The following GSPT1 variants were observed in gnomAD, a reference collection of about 807,000 sequenced individuals.
The protein encoded by GSPT1 is G1 to S phase transition 1.
GSPT1 carries 20 observed loss-of-function variants against 72.5 expected under a neutral mutation model. The ratio of observed to expected loss-of-function variants is 0.28; its 90% CI spans 0.19 to 0.40. The LOEUF is 0.40. Ranked by LOEUF, GSPT1 falls within the 10% of genes least tolerant of loss-of-function variation. GSPT1 has a pLI of 1.00. For missense variants in GSPT1, 580 were observed against 811.9 expected (o/e 0.71, Z 3.47); for synonymous variants, 334 against 293.5 (o/e 1.14, Z -1.41).
intron 1 of GSPT1, among the ~76,000 whole-genome samples, chr16:11,913,869 A>G (rs1461734565): frequency 6.6e-6 from 1 of 152,212 alleles, no homozygotes; most frequent in African/African-American, 2.4e-5. Flanking sequence ...GAAAACATCA[A>G]CCACCCACAC....
rs147636648 is a variant in GSPT1, at chr16:11,907,424, G to C, written c.352+7945C>G. Among the ~76,000 whole-genome samples the C allele has an allele frequency of 1.8e-3, 270 of 152,300 alleles. 1 individual carries two copies. The highest frequency in any genetic ancestry group is 6.0e-3 in the African/African-American group (249 of 41,560). On this transcript the variant is annotated intron_variant, in intron 1 of 14. Transcript: ENST00000434724. Reference sequence around the variant, plus strand: ...GGGTCAACAGTACCTAACCTCAAGAGAATGTTGTGAAGACTAAATAACTGA... The same window carrying C: ...GGGTCAACAGTACCTAACCTCAAGACAATGTTGTGAAGACTAAATAACTGA...
chr16:11,915,095 G>A, intron 1 of GSPT1: 2 of 1,290,688 alleles, frequency 1.5e-6, no homozygotes, highest in Non-Finnish European at 2.0e-6. Context: ...GGGTAACTGC[G>A]GACTCCAGAG....
chr16:11,884,149 C>T (rs1156444033), intron 10 of GSPT1, among the ~76,000 whole-genome samples: 1 of 152,060 alleles, frequency 6.6e-6, no homozygotes, highest in Non-Finnish European at 1.5e-5. Context: ...GTTGGAAATC[C>T]AGTTAAAAAC....
Position 11,915,452 on chromosome 16 carries a change from A to T in GSPT1, c.269T>A (p.Leu90Gln), listed in dbSNP as rs1322365964. 3 of 1,542,338 alleles carry T rather than the reference A, an allele frequency of 1.9e-6. No individual in the cohort carries two copies. The highest frequency in any genetic ancestry group is 2.6e-6 in the Non-Finnish European group (3 of 1,146,972). The change falls in exon 1 of 15, where the codon CTG (leucine) becomes CAG (glutamine). Residue 90 changes from leucine to glutamine, a missense_variant. This residue lies in a region of GSPT1 where 327 missense variants were observed against 298.8 expected (regional missense o/e 1.09). Transcript: ENST00000434724. ...VHAAEFVPSF[L>Q]RGPAAPPPPV... is the part of the protein sequence containing the mutation. ...GGGTGGCGGCGCTGCCGGGCCCCGC[A>T]GGAAGGACGGCACGAACTCGGCGGC...
chr16:11,911,684 C>T (rs371113649), intron 1 of GSPT1, among the ~76,000 whole-genome samples: 1 of 151,416 alleles, frequency 6.6e-6, no homozygotes, highest in South Asian at 2.1e-4. Context: ...TCCCCAGTAG[C>T]TGGGACTACG....
chr16:11,894,085 G>A (rs942366059), intron 5 of GSPT1, among the ~76,000 whole-genome samples: 1 of 140,606 alleles, frequency 7.1e-6, no homozygotes, highest in Non-Finnish European at 1.5e-5. Flanking sequence ...GAGTCCAGGA[G>A]GTCGAGGCTG....
At chr16:11,888,634 C>T (rs1410535088) in intron 6 of GSPT1, among the ~76,000 whole-genome samples, 5 of 151,776 alleles carry the variant, frequency 3.3e-5, no homozygotes, top group African/African-American at 9.7e-5. Context: ...TGGTGGCGGG[C>T]GCCTGTAGTC....
intron 1 of GSPT1, among the ~76,000 whole-genome samples, chr16:11,904,312 C>T (rs1006473157): frequency 6.6e-6 from 1 of 152,130 alleles, no homozygotes; most frequent in African/African-American, 2.4e-5. Flanking sequence ...AAGCGATTCC[C>T]CTGCCTCAGC....
chr16:11,903,164 T>G (rs2054437918), intron 1 of GSPT1, among the ~76,000 whole-genome samples: 1 of 152,212 alleles, frequency 6.6e-6, no homozygotes, highest in African/African-American at 2.4e-5. Context: ...GTCAATGGAA[T>G]CATAGAATAT....
chr16:11,887,893 G>T, intron 6 of GSPT1, 143 bp from the exon 7 acceptor site: 1 of 662,540 alleles, frequency 1.5e-6, no homozygotes, highest in Admixed American at 3.0e-5. Flanking sequence ...AGCCGGGTGC[G>T]GTGGCTCACA....
intron 10 of GSPT1, 97 bp from the exon 11 acceptor site, chr16:11,883,192 G>A (rs763972091): frequency 5.5e-6 from 4 of 727,950 alleles, no homozygotes; most frequent in African/African-American, 1.8e-5. Flanking sequence ...TATTCATAAA[G>A]GAAAATCATT....
intron 14 of GSPT1, among the ~76,000 whole-genome samples, chr16:11,875,554 G>C (rs1596454591): frequency 6.6e-6 from 1 of 152,042 alleles, no homozygotes; most frequent in Non-Finnish European, 1.5e-5. Context: ...GATTCTTCAC[G>C]TAGAGCATTA....
intron 8 of GSPT1, 45 bp downstream of exon 8, chr16:11,886,732 C>G (rs1362458673): frequency 1.9e-6 from 3 of 1,582,570 alleles, no homozygotes; most frequent in Non-Finnish European, 2.6e-6. Context: ...ATAACAAAAC[C>G]ATCCTTAATC....
At chr16:11,888,184 G>C (rs911120985) in intron 6 of GSPT1, among the ~76,000 whole-genome samples, 4 of 151,500 alleles carry the variant, frequency 2.6e-5, no homozygotes, top group African/African-American at 9.7e-5. Context: ...GAAAGAATAG[G>C]GCTGGGCGCA....
At chr16:11,874,169 A>G (rs978003983) in intron 14 of GSPT1, among the ~76,000 whole-genome samples, 2 of 152,208 alleles carry the variant, frequency 1.3e-5, no homozygotes, top group African/African-American at 4.8e-5. Context: ...TAGGTGTTCT[A>G]AATGTTCTAA....
chr16:11,890,336 G>T (rs2054243229), intron 6 of GSPT1, among the ~76,000 whole-genome samples: 1 of 152,092 alleles, frequency 6.6e-6, no homozygotes, highest in South Asian at 2.1e-4. Flanking sequence ...GCACCATGTG[G>T]GAGCAATGGT....
At chr16:11,894,767 G>A (rs927412007) in intron 5 of GSPT1, among the ~76,000 whole-genome samples, 187 bp downstream of exon 5, 3 of 152,094 alleles carry the variant, frequency 2.0e-5, no homozygotes, top group East Asian at 1.9e-4. Flanking sequence ...TGGGATTATA[G>A]GTGTGTTCCA....
In GSPT1 at chr16:11,898,796, C is replaced by T. The variant is rs1056896904; in HGVS notation, c.353-761G>A. Among the ~76,000 whole-genome samples the T allele has an allele frequency of 2.6e-5, 4 of 152,016 alleles. No individual in the cohort carries two copies. In the South Asian group the frequency reaches 8.3e-4, roughly 31 times the overall value. Reference sequence around the variant, plus strand: ...TTCCATACTCATGTTATCAAAATCCCTGAATAAATTAGATACCTATAAGAT... The same window carrying T: ...TTCCATACTCATGTTATCAAAATCCTTGAATAAATTAGATACCTATAAGAT... On this transcript the variant is annotated intron_variant, in intron 1 of 14. Transcript: ENST00000434724.
rs529798288 is a variant in GSPT1, at chr16:11,880,338, A to G, written c.1428+2677T>C. 2.0e-5 allele frequency: 3 copies of G among 152,312 alleles called. No individual in the cohort carries two copies. In the South Asian group the frequency reaches 6.2e-4, roughly 32 times the overall value. The allele number at this position is 152,312 out of a possible 1,614,324, so 9.4% of individuals were successfully genotyped here. On this transcript the variant is annotated intron_variant, in intron 11 of 14. Coordinates refer to ENST00000434724, the MANE Select transcript of GSPT1 (RefSeq NM_002094.4). The stretch of plus-strand genomic sequence containing the variant: ...GAGACTCTTTTGGGTATATACTCAG[A>G]AAGAGTATTGCTGGATTATGTGGGA...
Sources: allele counts gnomAD v4.1 joint callset (sites outside exome capture counted in the v4.1 genomes callset), GRCh38; gene constraint gnomAD v4.1.1; regional missense constraint gnomAD v4.1.1; transcripts MANE v1.5; gene names NCBI Gene and HGNC (gene_info 2026-07-23, HGNC 2026-07-21).